The following MAST4 variants were observed in gnomAD, a reference collection of about 807,000 sequenced individuals.
MAST4 encodes microtubule associated serine/threonine kinase family member 4.
MAST4 carries 89 observed loss-of-function variants against 162.7 expected under a neutral mutation model. That is an observed-to-expected ratio of 0.55 (90% CI 0.46 to 0.65). The LOEUF (loss-of-function observed/expected upper bound fraction) is 0.65, where lower values mean the gene tolerates loss of function less well. Among genes scored for constraint, MAST4 ranks in the 30% least tolerant of loss-of-function variants. The pLI is 0.00. For synonymous variants in MAST4, 1,479 were observed against 1,361.1 expected (o/e 1.09, Z -1.91); for missense variants, 3,153 against 3,374.0 (o/e 0.93, Z 1.62).
intron 4 of MAST4, among the ~76,000 whole-genome samples, chr5:66,909,914 T>C (rs35004071): frequency 0.12 from 18,386 of 152,258 alleles, 1,341 homozygotes; most frequent in Admixed American, 0.15. Context: ...CCTGCCACCA[T>C]GTAAGACATG....
In MAST4 at chr5:66,649,537, T is replaced by C. The variant is rs955512553; in HGVS notation, c.363+52519T>C. ...GTCTTATCTCTTCTTTTCATTATAG[T>C]AGCTCTTCATGTTTTAGCCTTTAGT... On this transcript the variant is annotated intron_variant, in intron 1 of 28. Transcript: ENST00000403625. 3.1e-4 allele frequency among the ~76,000 whole-genome samples: 47 copies of C among 152,206 alleles called. 1 individual carries two copies. Among genetic ancestry groups the C allele is most frequent in the Non-Finnish European group, 1.8e-4 (12 of 68,032 alleles).
chr5:66,715,826 A>G (rs1457188139), intron 1 of MAST4, among the ~76,000 whole-genome samples: 2 of 151,626 alleles, frequency 1.3e-5, no homozygotes, highest in African/African-American at 2.4e-5. Flanking sequence ...ATATCAAATT[A>G]TCCTATCCAT....
chr5:66,889,906 A>G (rs1762262949), intron 3 of MAST4, among the ~76,000 whole-genome samples: 1 of 152,208 alleles, frequency 6.6e-6, no homozygotes, highest in Non-Finnish European at 1.5e-5. Flanking sequence ...ATTGGCTTGG[A>G]TTAGAATATG....
At chr5:66,873,165 A>G (rs528404008) in intron 3 of MAST4, among the ~76,000 whole-genome samples, 5 of 152,184 alleles carry the variant, frequency 3.3e-5, no homozygotes, top group African/African-American at 4.8e-5. Context: ...ACATTACCAA[A>G]TAGGTTTAAA....
At chr5:66,957,293 G>A (rs896003908) in intron 4 of MAST4, among the ~76,000 whole-genome samples, 2 of 151,676 alleles carry the variant, frequency 1.3e-5, no homozygotes, top group Non-Finnish European at 2.9e-5. Flanking sequence ...AACTTTCCCC[G>A]ACCAACTTTC....
At chr5:66,935,954 C>T (rs538729000) in intron 4 of MAST4, among the ~76,000 whole-genome samples, 1 of 152,262 alleles carries the variant, frequency 6.6e-6, no homozygotes, top group African/African-American at 2.4e-5. Flanking sequence ...AGGCATGAGC[C>T]ATCGCACTCG....
At chr5:66,849,998 A>G (rs932076696) in intron 3 of MAST4, among the ~76,000 whole-genome samples, 1 of 152,176 alleles carries the variant, frequency 6.6e-6, no homozygotes, top group African/African-American at 2.4e-5. Flanking sequence ...TAGTGGTTAC[A>G]TCAGCCAGAA....
intron 11 of MAST4, among the ~76,000 whole-genome samples, chr5:67,113,230 C>T (rs1033619107): frequency 2.2e-5 from 3 of 139,430 alleles, no homozygotes; most frequent in South Asian, 2.3e-4. Context: ...AGGAGAATGT[C>T]GTGAACCTGG....
intron 1 of MAST4, among the ~76,000 whole-genome samples, chr5:66,638,471 A>C (rs1249260894): frequency 3.3e-5 from 5 of 152,162 alleles, no homozygotes; most frequent in Non-Finnish European, 5.9e-5. Flanking sequence ...TGGGACCAGC[A>C]GTGTTTTAGG....
chr5:67,091,584 A>G (rs1257161250), intron 6 of MAST4, among the ~76,000 whole-genome samples: 2 of 152,216 alleles, frequency 1.3e-5, no homozygotes, highest in African/African-American at 4.8e-5. Flanking sequence ...TTGATAAACA[A>G]GTGTTTACTA....
chr5:67,117,551 A>T (rs1169515267), intron 12 of MAST4, among the ~76,000 whole-genome samples: 1 of 151,686 alleles, frequency 6.6e-6, no homozygotes, highest in Non-Finnish European at 1.5e-5. Flanking sequence ...TAAGTTTTTT[A>T]AAATTGAAAA....
intron 1 of MAST4, among the ~76,000 whole-genome samples, chr5:66,754,434 C>CA: frequency 6.6e-6 from 1 of 152,276 alleles, no homozygotes; most frequent in South Asian, 2.1e-4. Context: ...TTCAGTTTTT[C>CA]AAAATACTAG....
intron 4 of MAST4, among the ~76,000 whole-genome samples, chr5:66,936,467 G>A (rs1742762156): frequency 6.6e-6 from 1 of 152,204 alleles, no homozygotes; most frequent in Non-Finnish European, 1.5e-5. Flanking sequence ...AGTCAGGGAA[G>A]GGAGATAGGG....
At chr5:66,763,649 T>C (rs1445226010) in intron 2 of MAST4, among the ~76,000 whole-genome samples, 2 of 152,214 alleles carry the variant, frequency 1.3e-5, no homozygotes, top group Non-Finnish European at 2.9e-5. Context: ...AATATATTAA[T>C]GTGAAATCCC....
chr5:67,014,752 A>G (rs1753077863), intron 4 of MAST4, among the ~76,000 whole-genome samples: 1 of 152,174 alleles, frequency 6.6e-6, no homozygotes, highest in Non-Finnish European at 1.5e-5. Context: ...TTTTAATGCT[A>G]TTTTACCAGC....
At chr5:66,696,238 T>C (rs568512198) in intron 1 of MAST4, among the ~76,000 whole-genome samples, 19 of 152,076 alleles carry the variant, frequency 1.2e-4, no homozygotes, top group African/African-American at 4.1e-4. Flanking sequence ...TCAGGATAAA[T>C]AGCTAAAGCA....
Position 66,917,071 on chromosome 5 carries a change from A to G in MAST4, c.674+17089A>G. On this transcript the variant is annotated intron_variant, in intron 4 of 28. Coordinates refer to ENST00000403625, the MANE Select transcript of MAST4 (RefSeq NM_001164664.2). Reference sequence around the variant, plus strand: ...ATCACTTTACCCAAAAGAATAGAAAATCACCTTCACCCATAAGAATGCCCA... The same window carrying G: ...ATCACTTTACCCAAAAGAATAGAAAGTCACCTTCACCCATAAGAATGCCCA... 4.2e-6 allele frequency: 3 copies of G among 717,224 alleles called. No individual in the cohort carries two copies. In the Admixed American group the frequency reaches 6.0e-5, roughly 14 times the overall value. 44.4% of individuals were successfully genotyped at this position (717,224 alleles called of 1,614,324 possible). A position where few individuals can be genotyped will look rare whatever the true frequency, so the allele number is the denominator to read the frequency against.
chr5:66,890,822 G>A (rs1762318376), intron 3 of MAST4, among the ~76,000 whole-genome samples: 4 of 152,196 alleles, frequency 2.6e-5, no homozygotes, highest in Admixed American at 6.5e-5. Flanking sequence ...CTATGACCTT[G>A]TGTGAGTTAC....
chr5:66,938,890 T>G (rs1743047848), intron 4 of MAST4, among the ~76,000 whole-genome samples: 1 of 152,172 alleles, frequency 6.6e-6, no homozygotes, highest in Non-Finnish European at 1.5e-5. Context: ...AAGTTCTTTA[T>G]AGAGATAATA....
Sources: allele counts gnomAD v4.1 joint callset (sites outside exome capture counted in the v4.1 genomes callset), GRCh38; gene constraint gnomAD v4.1.1; transcripts MANE v1.5; gene names NCBI Gene and HGNC (gene_info 2026-07-23, HGNC 2026-07-21).